ZDBF2: variants seen among roughly 807,000 people sequenced by gnomAD.
ZDBF2 encodes zinc finger DBF-type containing 2.
A neutral mutation model predicts 9.4 loss-of-function variants in ZDBF2; 6 were observed. The ratio of observed to expected loss-of-function variants is 0.64; its 90% CI spans 0.35 to 1.27. ZDBF2 has a LOEUF of 1.27. Ranked by LOEUF, ZDBF2 falls within the 50% of genes most tolerant of loss-of-function variation. ZDBF2 has a pLI of 0.03. For synonymous variants in ZDBF2, 905 were observed against 946.3 expected, an observed-to-expected ratio of 0.96 and a Z score of 0.80; for missense variants, 2,697 against 2,766.8, an observed-to-expected ratio of 0.97 and a Z score of 0.57.
Position 206,307,187 on chromosome 2 carries a change from C to G in ZDBF2, c.2659C>G (p.Pro887Ala). 1 of 1,613,116 alleles carries G rather than the reference C, an allele frequency of 6.2e-7. No homozygotes were observed. Among genetic ancestry groups the G allele is most frequent in the Non-Finnish European group, 8.5e-7 (1 of 1,179,642 alleles). Reference protein sequence around the residue: ...HAPLHSVTNSPEVAVKKLNPQ... With the variant: ...HAPLHSVTNSAEVAVKKLNPQ... Reference sequence around the variant, plus strand: ...CCCTCTTCATTCAGTGACTAATTCTCCCGAAGTAGCTGTTAAAAAGCTAAA... The same window carrying G: ...CCCTCTTCATTCAGTGACTAATTCTGCCGAAGTAGCTGTTAAAAAGCTAAA... The change falls in exon 5 of 5, where the codon CCC (proline) becomes GCC (alanine). Residue 887 changes from proline to alanine, a missense_variant. Physicochemically the swap from Pro to Ala is conservative, Grantham distance 27. Around this residue, in one of 3 missense-constraint regions of ZDBF2, gnomAD observed 1,783 missense variants for 1,776.5 expected, o/e 1.00. Coordinates refer to ENST00000374423, the MANE Select transcript of ZDBF2 (RefSeq NM_020923.3).
chr2:206,309,308 A>T lies in ZDBF2; in HGVS notation c.4780A>T (p.Thr1594Ser). Residue 1594 changes from threonine to serine, a missense_variant, in exon 5 of 5, where the codon ACA becomes TCA. Thr to Ser is a moderately conservative substitution (Grantham distance 58). Around this residue, in one of 3 missense-constraint regions of ZDBF2, gnomAD observed 1,783 missense variants for 1,776.5 expected, o/e 1.00. Coordinates refer to ENST00000374423, the MANE Select transcript of ZDBF2 (RefSeq NM_020923.3). Reference protein sequence around the residue: ...CNCKASTPSMTNQCKETFKII... With the variant: ...CNCKASTPSMSNQCKETFKII... Reference sequence around the variant, plus strand: ...TTGTAAAGCCTCTACTCCCTCAATGACAAACCAATGCAAAGAGACTTTCAA... The same window carrying T: ...TTGTAAAGCCTCTACTCCCTCAATGTCAAACCAATGCAAAGAGACTTTCAA... 6.2e-7 allele frequency: 1 copy of T among 1,612,652 alleles called. No individual in the cohort carries two copies. The highest frequency in any genetic ancestry group is 8.5e-7 in the Non-Finnish European group (1 of 1,179,330).
At chr2:206,301,013 C>A (rs540985909) in intron 4 of ZDBF2, among the ~76,000 whole-genome samples, 1 of 152,322 alleles carries the variant, frequency 6.6e-6, no homozygotes, top group Non-Finnish European at 1.5e-5. Context: ...CTGTTGCTAA[C>A]ACTGGGATTA....
At chr2:206,288,302 A>G (rs1691702040) in intron 3 of ZDBF2, among the ~76,000 whole-genome samples, 1 of 152,198 alleles carries the variant, frequency 6.6e-6, no homozygotes, top group Non-Finnish European at 1.5e-5. Flanking sequence ...GCAGTGGTAT[A>G]TAGTCTTCAT....
At position 206,308,354 on chromosome 2, in the gene ZDBF2, A is replaced by G; in HGVS notation, c.3826A>G (p.Lys1276Glu). The change falls in exon 5 of 5, where the codon AAG (lysine) becomes GAG (glutamate). Residue 1276 changes from lysine to glutamate, a missense_variant. Around this residue, in one of 3 missense-constraint regions of ZDBF2, gnomAD observed 1,783 missense variants for 1,776.5 expected, o/e 1.00. Transcript: ENST00000374423. ...GAAAGAGCATGTTGACTTGGAAAAT[A>G]AGATTGTCAAACCTACAGATTCCAG... Reference protein sequence around the residue: ...LWKEHVDLENKIVKPTDSRIN... With the variant: ...LWKEHVDLENEIVKPTDSRIN... 6.2e-7 allele frequency: 1 copy of G among 1,613,000 alleles called. No individual in the cohort carries two copies. Among genetic ancestry groups the G allele is most frequent in the Non-Finnish European group, 8.5e-7 (1 of 1,179,622 alleles).
rs1048271419 is a variant in ZDBF2 at position 206,313,135 on chromosome 2, A to G, written c.*1542A>G. The G allele has an allele frequency of 5.9e-5, 9 of 152,334 alleles. No individual in the cohort carries two copies. The highest frequency in any genetic ancestry group is 2.2e-4 in the African/African-American group (9 of 41,570). The allele number at this position is 152,334 out of a possible 1,614,324, so 9.4% of individuals were successfully genotyped here. ...GCCATATTTTATTGAAACTAAGGTC[A>G]ATGTTGAACCATATCTTGATTTCAG... On this transcript the variant is annotated 3_prime_UTR_variant, in exon 5 of 5. Coordinates refer to ENST00000374423, the MANE Select transcript of ZDBF2 (RefSeq NM_020923.3).
intron 4 of ZDBF2, among the ~76,000 whole-genome samples, chr2:206,299,867 G>C (rs1290907707): frequency 6.6e-6 from 1 of 151,920 alleles, no homozygotes; most frequent in Non-Finnish European, 1.5e-5. Flanking sequence ...TACCACTTTG[G>C]GAGGCCGAGG....
In ZDBF2 at chr2:206,305,609, A is replaced by G; in HGVS notation, c.1081A>G (p.Ser361Gly). 6.2e-7 allele frequency: 1 copy of G among 1,613,870 alleles called. No homozygotes were observed. The highest frequency in any genetic ancestry group is 8.5e-7 in the Non-Finnish European group (1 of 1,179,816). Residue 361 changes from serine to glycine, a missense_variant, in exon 5 of 5, where the codon AGT (serine) becomes GGT (glycine). Transcript: ENST00000374423. Reference sequence around the variant, plus strand: ...CTTTTGGGAACAGAAGTGCTCAGTGAGTTCTGAAATGAAGTTTGATTGTAT... The same window carrying G: ...CTTTTGGGAACAGAAGTGCTCAGTGGGTTCTGAAATGAAGTTTGATTGTAT... ...TAFWEQKCSVSSEMKFDCISL... is the reference protein window; with the variant it reads ...TAFWEQKCSVGSEMKFDCISL...
In ZDBF2 at chr2:206,306,605, G is replaced by T; in HGVS notation, c.2077G>T (p.Asp693Tyr). 6.2e-7 allele frequency: 1 copy of T among 1,613,682 alleles called. No individual in the cohort carries two copies. Among genetic ancestry groups the T allele is most frequent in the South Asian group, 1.1e-5 (1 of 91,066 alleles). ...AATAGAGCGTCAGAAAGTGGATGTT[G>T]ACCTTGAGAATAAGAGTGTTCAGTC... ...AEIERQKVDV[D>Y]LENKSVQSSR... The change falls in exon 5 of 5, where the codon GAC (aspartate) becomes TAC (tyrosine). Residue 693 changes from aspartate (D) to tyrosine (Y), a missense_variant. Coordinates refer to ENST00000374423, the MANE Select transcript of ZDBF2 (RefSeq NM_020923.3).
At chr2:206,290,213 AT>A (rs764774255) in intron 3 of ZDBF2, among the ~76,000 whole-genome samples, 17 of 152,158 alleles carry the variant, frequency 1.1e-4, no homozygotes, top group Non-Finnish European at 2.5e-4. Flanking sequence ...TTATCTATAT[AT>A]CTTCTCTGAT....
rs148090284 is a variant in ZDBF2 at position 206,278,853 on chromosome 2, G to A, written c.-102-687G>A. ...TTCTTAGGCAGCACCTCATTCTTTG[G>A]CTTTAATTTCCCAATTTCATTTTAA... is the stretch of plus-strand genomic sequence containing the variant. On this transcript the variant is annotated intron_variant, in intron 1 of 4. Coordinates refer to ENST00000374423, the MANE Select transcript of ZDBF2 (RefSeq NM_020923.3). Among the ~76,000 whole-genome samples, 1,516 of 152,136 alleles carry A rather than the reference G, an allele frequency of 1.0e-2. 20 individuals carry two copies. The highest frequency in any genetic ancestry group is 0.017 in the Non-Finnish European group (1,122 of 67,982).
rs1693038981 is a variant in ZDBF2 at position 206,309,654 on chromosome 2, C to A, written c.5126C>A (p.Ala1709Glu). The change falls in exon 5 of 5, where the codon GCA becomes GAA. Residue 1709 changes from alanine to glutamate, a missense_variant. Ala to Glu is a moderately radical substitution (Grantham distance 107). Transcript: ENST00000374423. ...AAGAGCTGTCAGTCTAGTGCTTCTGCAGTGGATTTTGGTGCCTCTTCCAAG... is the reference window on the plus strand; with the variant it reads ...AAGAGCTGTCAGTCTAGTGCTTCTGAAGTGGATTTTGGTGCCTCTTCCAAG... Reference protein sequence around the residue: ...KGKSCQSSASAVDFGASSKSA... With the variant: ...KGKSCQSSASEVDFGASSKSA... 1.2e-6 allele frequency: 2 copies of A among 1,613,886 alleles called. No individual in the cohort carries two copies. The highest frequency in any genetic ancestry group is 1.3e-5 in the African/African-American group (1 of 75,010).
In ZDBF2 at chr2:206,304,589, A is replaced by G. The variant is rs1197470038; in HGVS notation, c.189-128A>G. ...TCCATGCAGTGTTCAGCCTGGGGTG[A>G]CTGCCTGGATTCCTTGTCCTTTAAG... is the stretch of plus-strand genomic sequence containing the variant. On this transcript the variant is annotated intron_variant, in intron 4 of 4. Transcript: ENST00000374423. 1.2e-5 allele frequency: 14 copies of G among 1,172,070 alleles called. No individual in the cohort carries two copies. The Admixed American group carries it at 4.2e-4, about 35-fold the overall frequency. The allele number at this position is 1,172,070 out of a possible 1,614,324, so 72.6% of individuals were successfully genotyped here. A position where few individuals can be genotyped will look rare whatever the true frequency, so the allele number is the denominator to read the frequency against.
At chr2:206,278,766 G>A (rs534561615) in intron 1 of ZDBF2, among the ~76,000 whole-genome samples, 10 of 152,306 alleles carry the variant, frequency 6.6e-5, no homozygotes, top group South Asian at 2.1e-4. Context: ...ATCCCTCGCC[G>A]CTCTAGCTAA....
Position 206,306,488 on chromosome 2 carries a change from G to A in ZDBF2, c.1960G>A (p.Ala654Thr), listed in dbSNP as rs1238836632. The change falls in exon 5 of 5, where the codon GCT (alanine) becomes ACT (threonine). Residue 654 changes from alanine (A) to threonine (T), a missense_variant. Around this residue, in one of 3 missense-constraint regions of ZDBF2, gnomAD observed 910 missense variants for 973.6 expected, o/e 0.93. Coordinates refer to ENST00000374423, the MANE Select transcript of ZDBF2 (RefSeq NM_020923.3). Reference sequence around the variant, plus strand: ...GATAAATCTTCTGAAGGAGAAGAATGCTGACCTTATGGATATGAACTGTGA... The same window carrying A: ...GATAAATCTTCTGAAGGAGAAGAATACTGACCTTATGGATATGAACTGTGA... Reference protein sequence around the residue: ...EKINLLKEKNADLMDMNCESH... With the variant: ...EKINLLKEKNTDLMDMNCESH... 1 of 1,613,818 alleles carries A rather than the reference G, an allele frequency of 6.2e-7. No homozygotes were observed.
chr2:206,283,725 G>A (rs1236500382), intron 3 of ZDBF2, among the ~76,000 whole-genome samples: 2 of 152,030 alleles, frequency 1.3e-5, no homozygotes, highest in Admixed American at 6.6e-5. Flanking sequence ...GGGCAGTAGT[G>A]CGATCATGGC....
Position 206,310,467 on chromosome 2 carries a change from A to G in ZDBF2, c.5939A>G (p.Lys1980Arg). Residue 1980 changes from lysine (K) to arginine (R), a missense_variant, in exon 5 of 5, where the codon AAA becomes AGA. Lys to Arg is a conservative substitution (Grantham distance 26, BLOSUM62 2). Coordinates refer to ENST00000374423, the MANE Select transcript of ZDBF2 (RefSeq NM_020923.3). ...SKCSRLQDDRKTKKKVKIGTV... is the reference protein window; with the variant it reads ...SKCSRLQDDRRTKKKVKIGTV... Reference sequence around the variant, plus strand: ...TGTTCACGTTTACAGGATGACAGAAAAACCAAAAAGAAAGTCAAAATTGGG... The same window carrying G: ...TGTTCACGTTTACAGGATGACAGAAGAACCAAAAAGAAAGTCAAAATTGGG... The G allele has an allele frequency of 6.2e-7, 1 of 1,613,762 alleles. No individual in the cohort carries two copies. Among genetic ancestry groups the G allele is most frequent in the African/African-American group, 1.3e-5 (1 of 75,006 alleles).
intron 3 of ZDBF2, among the ~76,000 whole-genome samples, chr2:206,284,062 G>A (rs1037027256): frequency 6.6e-5 from 10 of 152,130 alleles, no homozygotes; most frequent in African/African-American, 2.2e-4. Flanking sequence ...CCTAATCTCA[G>A]GATGGAAGAT....
intron 4 of ZDBF2, among the ~76,000 whole-genome samples, chr2:206,297,838 C>A (rs1692277838): frequency 6.6e-6 from 1 of 152,272 alleles, no homozygotes; most frequent in East Asian, 1.9e-4. Context: ...TGTCACCACG[C>A]CTGGCTAATT....
intron 4 of ZDBF2, 124 bp from the exon 5 acceptor site, chr2:206,304,593 C>G: frequency 1.6e-6 from 2 of 1,222,884 alleles, no homozygotes; most frequent in Non-Finnish European, 2.2e-6. Flanking sequence ...GGGGTGACTG[C>G]CTGGATTCCT....
Sources: allele counts gnomAD v4.1 joint callset (sites outside exome capture counted in the v4.1 genomes callset), GRCh38; gene constraint gnomAD v4.1.1; regional missense constraint gnomAD v4.1.1; transcripts MANE v1.5; gene names NCBI Gene and HGNC (gene_info 2026-07-23, HGNC 2026-07-21).